The following VPS13C variants were observed in gnomAD, a reference collection of about 807,000 sequenced individuals.
VPS13C encodes the protein vacuolar protein sorting 13 homolog C.
In VPS13C, 358 loss-of-function variants were observed where a neutral mutation model predicts 456.8. The observed-to-expected ratio is 0.78, with a 90% CI of 0.72 to 0.86. The LOEUF (loss-of-function observed/expected upper bound fraction) is 0.86, where lower values mean the gene tolerates loss of function less well. Among genes scored for constraint, VPS13C ranks in the 40% least tolerant of loss-of-function variants. The pLI is 0.00. For synonymous variants in VPS13C, 1,578 were observed against 1,486.7 expected (o/e 1.06, Z -1.41); for missense variants, 4,818 against 4,385.4 (o/e 1.10, Z -2.79).
Position 61,961,974 on chromosome 15 carries a change from G to C in VPS13C, c.3604-81C>G, listed in dbSNP as rs550043899. ...ATAACACTATCTTCTTTTCATACAT[G>C]TGGTAACTTTTTTTTTCCAATATTT... On this transcript the variant is annotated intron_variant, in intron 34 of 84. Coordinates refer to ENST00000644861, the MANE Select transcript of VPS13C (RefSeq NM_020821.3). 1.7e-4 allele frequency: 245 copies of C among 1,442,100 alleles called. 5 individuals carry two copies. In the South Asian group the frequency reaches 3.4e-3, roughly 20 times the overall value. 89.3% of individuals were successfully genotyped at this position (1,442,100 alleles called of 1,614,324 possible). A position where few individuals can be genotyped will look rare whatever the true frequency, so the allele number is the denominator to read the frequency against.
chr15:61,908,127 T>C (rs375060575), intron 65 of VPS13C, among the ~76,000 whole-genome samples: 2 of 152,148 alleles, frequency 1.3e-5, no homozygotes, highest in East Asian at 3.9e-4. Flanking sequence ...CAGGAGATTT[T>C]AAAATTGATT....
intron 66 of VPS13C, among the ~76,000 whole-genome samples, chr15:61,897,906 G>A (rs1438054863): frequency 2.0e-5 from 3 of 152,192 alleles, no homozygotes; most frequent in South Asian, 2.1e-4. Context: ...CGGATCGCTC[G>A]GCAGAAACCA....
intron 68 of VPS13C, 85 bp from the exon 69 acceptor site, chr15:61,882,821 T>G: frequency 7.3e-7 from 1 of 1,361,642 alleles, no homozygotes; most frequent in Non-Finnish European, 9.7e-7. Context: ...TTGATCAAAT[T>G]GAAAAAATCT....
At chr15:62,041,647 G>C (rs942561596) in intron 2 of VPS13C, among the ~76,000 whole-genome samples, 1 of 151,988 alleles carries the variant, frequency 6.6e-6, no homozygotes, top group Non-Finnish European at 1.5e-5. Context: ...GTGAAATCCA[G>C]TCTCTACTAA....
rs144073158 is a variant in VPS13C at position 61,927,314 on chromosome 15, G to A, written c.6293C>T (p.Ser2098Phe). ...CTTTAAAGTCATATTTGGTCTAACAGAGTCATCTGAAGAAACAAGCAACAG... is the reference window on the plus strand; with the variant it reads ...CTTTAAAGTCATATTTGGTCTAACAAAGTCATCTGAAGAAACAAGCAACAG... Reference protein sequence around the residue: ...TGKVKIEKDDSVRPNMTLKAM... With the variant: ...TGKVKIEKDDFVRPNMTLKAM... The change falls in exon 52 of 85, where the codon TCT (serine) becomes TTT (phenylalanine). Residue 2098 changes from serine to phenylalanine, a missense_variant. Around this residue, in one of 3 missense-constraint regions of VPS13C, gnomAD observed 4,552 missense variants for 4,130.6 expected, o/e 1.10. Transcript: ENST00000644861. 121 of 1,612,988 alleles carry A rather than the reference G, an allele frequency of 7.5e-5. No homozygotes were observed. The highest frequency in any genetic ancestry group is 9.5e-5 in the Non-Finnish European group (112 of 1,179,462).
chr15:61,868,395 C>A (rs1894745773), intron 81 of VPS13C, among the ~76,000 whole-genome samples: 1 of 151,902 alleles, frequency 6.6e-6, no homozygotes, highest in African/African-American at 2.4e-5. Flanking sequence ...AATGAGCTAT[C>A]ACAGAAATAG....
intron 1 of VPS13C, among the ~76,000 whole-genome samples, chr15:62,047,178 C>A (rs2048435264): frequency 6.6e-6 from 1 of 151,850 alleles, no homozygotes; most frequent in East Asian, 1.9e-4. Flanking sequence ...GTAATCCCAG[C>A]ACTTTGAGAG....
rs948285271 is a variant in VPS13C at position 61,858,787 on chromosome 15, G to A, written c.10953-2378C>T. 2.0e-5 allele frequency among the ~76,000 whole-genome samples: 3 copies of A among 152,148 alleles called. No homozygotes were observed. Among genetic ancestry groups the A allele is most frequent in the African/African-American group, 7.2e-5 (3 of 41,428 alleles). On this transcript the variant is annotated intron_variant, in intron 82 of 84. Coordinates refer to ENST00000644861, the MANE Select transcript of VPS13C (RefSeq NM_020821.3). The surrounding 1 kb of genome is among the most constrained non-coding windows in gnomAD (Gnocchi z 4.4). ...TAAGAGCAGCTCGCTGGCTGACAGA[G>A]GTCAAAGAAACAGGGATCTTAGAAT... is the stretch of plus-strand genomic sequence containing the variant.
rs149567498 is a variant in VPS13C, at chr15:61,858,782, A to G, written c.10953-2373T>C. Among the ~76,000 whole-genome samples, 1,014 of 152,332 alleles carry G rather than the reference A, an allele frequency of 6.7e-3. 7 individuals are homozygous for G. The highest frequency in any genetic ancestry group is 0.01 in the Non-Finnish European group (706 of 68,020). On this transcript the variant is annotated intron_variant, in intron 82 of 84. Coordinates refer to ENST00000644861, the MANE Select transcript of VPS13C (RefSeq NM_020821.3). The surrounding 1 kb of genome is among the most constrained non-coding windows in gnomAD (Gnocchi z 4.4). ...GGAGCTAAGAGCAGCTCGCTGGCTGACAGAGGTCAAAGAAACAGGGATCTT... is the reference window on the plus strand; with the variant it reads ...GGAGCTAAGAGCAGCTCGCTGGCTGGCAGAGGTCAAAGAAACAGGGATCTT...
rs1893785991 is a variant in VPS13C, at chr15:61,854,210, G to T, written c.*247C>A. ...GAAAATTTCATTCTGAGTTTGAAGT[G>T]ACGTTTCTTCAAGGGTCTGACCCAT... On this transcript the variant is annotated 3_prime_UTR_variant, in exon 85 of 85. Transcript: ENST00000644861. 2.0e-6 allele frequency: 1 copy of T among 512,302 alleles called. No individual in the cohort carries two copies. Among genetic ancestry groups the T allele is most frequent in the Non-Finnish European group, 3.5e-6 (1 of 286,726 alleles). 31.7% of individuals were successfully genotyped at this position (512,302 alleles called of 1,614,324 possible). A position where few individuals can be genotyped will look rare whatever the true frequency, so the allele number is the denominator to read the frequency against.
intron 44 of VPS13C, 52 bp from the exon 45 acceptor site, chr15:61,945,934 T>C (rs1285745184): frequency 1.4e-6 from 2 of 1,423,118 alleles, no homozygotes; most frequent in East Asian, 2.4e-5. Context: ...GTATAGCCCT[T>C]ATCAATGTAT....
At chr15:62,023,975 C>G (rs1198096674) in intron 6 of VPS13C, 130 bp from the exon 7 acceptor site, 1 of 588,088 alleles carries the variant, frequency 1.7e-6, no homozygotes, top group East Asian at 2.8e-5. Flanking sequence ...TTATTCTAAA[C>G]TGACCTGTTA....
chr15:61,920,576 T>G lies in VPS13C; in HGVS notation c.7134A>C (p.Ala2378=). 1 of 1,588,094 alleles carries G rather than the reference T, an allele frequency of 6.3e-7. No homozygotes were observed. Among genetic ancestry groups the G allele is most frequent in the Non-Finnish European group, 8.5e-7 (1 of 1,171,984 alleles). ...GDDFIPEPQM[A]IHISSGNTMN... is the part of the protein sequence containing the mutation. ...TTGTATTTCCTGAAGAAATATGAATTGCCATTTGTGGCTCAGGAATAAAAT... is the reference window on the plus strand; with the variant it reads ...TTGTATTTCCTGAAGAAATATGAATGGCCATTTGTGGCTCAGGAATAAAAT... The change falls in exon 56 of 85, where the codon GCA becomes GCC. Residue 2378 remains alanine (A), a synonymous_variant. Transcript: ENST00000644861.
At chr15:61,900,987 C>G (rs1244734904) in intron 66 of VPS13C, among the ~76,000 whole-genome samples, 4 of 152,062 alleles carry the variant, frequency 2.6e-5, no homozygotes, top group Non-Finnish European at 5.9e-5. Context: ...TTTGACAAAC[C>G]TGACAAAAAC....
rs1443949056 is a variant in VPS13C at position 61,973,547 on chromosome 15, AAAAAGTTTTCTT to A, written c.2539-27_2539-16del. On this transcript the variant is annotated splice_polypyrimidine_tract_variant and intron_variant, in intron 25 of 84. Coordinates refer to ENST00000644861, the MANE Select transcript of VPS13C (RefSeq NM_020821.3). ...ATTGAGGATACCTAGCAAAGAATACAAAAAGTTTTCTTAAAAAGGATGACTTAGCAGGATTAA... is the reference window on the plus strand; with the variant it reads ...ATTGAGGATACCTAGCAAAGAATACAAAAAAGGATGACTTAGCAGGATTAA... The A allele has an allele frequency of 6.2e-7, 1 of 1,602,546 alleles. No individual in the cohort carries two copies. Among genetic ancestry groups the A allele is most frequent in the Non-Finnish European group, 8.5e-7 (1 of 1,170,494 alleles).
At position 62,028,534 on chromosome 15, in the gene VPS13C, G is replaced by C. The variant is rs72749755; in HGVS notation, c.386-114C>G. 5.7e-3 allele frequency: 5,992 copies of C among 1,050,554 alleles called. 25 individuals carry two copies. Among genetic ancestry groups the C allele is most frequent in the Non-Finnish European group, 6.8e-3 (4,870 of 720,260 alleles). 65.1% of individuals were successfully genotyped at this position (1,050,554 alleles called of 1,614,324 possible). ...TCATATAATTAGAAATCATGTAACA[G>C]GGTAATTAAAATTTGGTGACACCAA... is the stretch of plus-strand genomic sequence containing the variant. On this transcript the variant is annotated intron_variant, in intron 5 of 84. Coordinates refer to ENST00000644861, the MANE Select transcript of VPS13C (RefSeq NM_020821.3).
chr15:62,005,349 T>G (rs2046794641), intron 15 of VPS13C, among the ~76,000 whole-genome samples: 1 of 152,180 alleles, frequency 6.6e-6, no homozygotes, highest in Non-Finnish European at 1.5e-5. Flanking sequence ...CCCCTGCCTT[T>G]TTTTGTTTTC....
intron 74 of VPS13C, 101 bp downstream of exon 74, chr15:61,878,506 A>G (rs1895620651): frequency 6.8e-7 from 1 of 1,463,610 alleles, no homozygotes; most frequent in Admixed American, 2.4e-5. Context: ...TAGTAAAGTT[A>G]TCCTTTTCCT....
chr15:62,019,254 G>A (rs773465842), intron 9 of VPS13C, among the ~76,000 whole-genome samples: 5 of 152,040 alleles, frequency 3.3e-5, no homozygotes, highest in Middle Eastern at 3.4e-3. Context: ...TGGATTCATT[G>A]ATTTTTTGAA....
Sources: gnomAD v4.1 joint callset for allele counts (sites outside exome capture counted in the v4.1 genomes callset) on GRCh38, gnomAD v4.1.1 for gene constraint, gnomAD v4.1.1 regional missense constraint, Gnocchi (gnomAD v3.1) non-coding constraint, MANE v1.5 for transcripts, NCBI Gene and HGNC (gene_info 2026-07-23, HGNC 2026-07-21) for gene names.